The following ZNF141 variants were observed in gnomAD, a reference collection of about 807,000 sequenced individuals.
ZNF141 encodes zinc finger protein 141 (clone pHZ-44).
In ZNF141, 7 loss-of-function variants were observed where a neutral mutation model predicts 11.3. The ratio of observed to expected loss-of-function variants is 0.62; its 90% CI spans 0.35 to 1.16. The LOEUF is 1.16. Among genes scored for constraint, ZNF141 ranks in the 50% most tolerant of loss-of-function variants. The pLI is 0.02. For synonymous variants in ZNF141, 183 were observed against 190.7 expected (o/e 0.96, Z 0.33); for missense variants, 535 against 554.0 (o/e 0.97, Z 0.34).
chr4:354,323 G>C (rs1553850945), intron 3 of ZNF141, among the ~76,000 whole-genome samples: 1 of 152,154 alleles, frequency 6.6e-6, no homozygotes, highest in Non-Finnish European at 1.5e-5. Flanking sequence ...AGGTCACCCT[G>C]CAGGTGCCTA....
In ZNF141 at chr4:384,802, T is replaced by A. The variant is rs534634096; in HGVS notation, c.*10940T>A. 6 of 152,406 alleles carry A rather than the reference T, an allele frequency of 3.9e-5. 1 individual carries two copies. The South Asian group carries it at 1.2e-3, about 32-fold the overall frequency. The allele number at this position is 152,406 out of a possible 1,614,324, so 9.4% of individuals were successfully genotyped here. A position where few individuals can be genotyped will look rare whatever the true frequency, so the allele number is the denominator to read the frequency against. ...GAACTCAGCCCCATTTCTGGCAACCTGCTTTCATGTCCCCTTTCTGCTGAG... is the reference window on the plus strand; with the variant it reads ...GAACTCAGCCCCATTTCTGGCAACCAGCTTTCATGTCCCCTTTCTGCTGAG... On this transcript the variant is annotated 3_prime_UTR_variant, in exon 4 of 4. Coordinates refer to ENST00000240499, the MANE Select transcript of ZNF141 (RefSeq NM_003441.4).
chr4:362,481 A>G lies in ZNF141; in HGVS notation c.227-10183A>G, dbSNP rs1711541035. 2.6e-5 allele frequency among the ~76,000 whole-genome samples: 4 copies of G among 152,166 alleles called. 1 individual carries two copies. The South Asian group carries it at 8.3e-4, about 31-fold the overall frequency. ...GCCTGTGTCCTAAATGGTATTGCCT[A>G]GGTTTTCTTCTAGGGTTTTTATGGT... On this transcript the variant is annotated intron_variant, in intron 3 of 3. Coordinates refer to ENST00000240499, the MANE Select transcript of ZNF141 (RefSeq NM_003441.4).
At chr4:341,417 T>C (rs1252658968) in intron 1 of ZNF141, among the ~76,000 whole-genome samples, 1 of 152,200 alleles carries the variant, frequency 6.6e-6, no homozygotes, top group African/African-American at 2.4e-5. Context: ...AGAAGAGAAG[T>C]TGTTATTATT....
chr4:344,966 T>G (rs1721251168), intron 3 of ZNF141, among the ~76,000 whole-genome samples: 2 of 152,236 alleles, frequency 1.3e-5, no homozygotes, highest in African/African-American at 4.8e-5. Flanking sequence ...CCTTTAAGTT[T>G]ACAGGGAGAG....
At chr4:362,140 A>AT in intron 3 of ZNF141, among the ~76,000 whole-genome samples, 2 of 152,244 alleles carry the variant, frequency 1.3e-5, no homozygotes, top group Middle Eastern at 3.4e-3. Context: ...GATGATGAGC[A>AT]TTTTTTCATG....
intron 3 of ZNF141, among the ~76,000 whole-genome samples, chr4:362,561 C>T (rs1213464142): frequency 2.6e-5 from 4 of 152,022 alleles, no homozygotes; most frequent in South Asian, 2.1e-4. Context: ...TTGTATAAGG[C>T]GTAAGGAAGG....
Position 381,182 on chromosome 4 carries a change from C to G in ZNF141, c.*7320C>G, listed in dbSNP as rs909093050. Among the ~76,000 whole-genome samples, 15 of 151,996 alleles carry G rather than the reference C, an allele frequency of 9.9e-5. No individual in the cohort carries two copies. Among genetic ancestry groups the G allele is most frequent in the Admixed American group, 2.0e-4 (3 of 15,246 alleles). On this transcript the variant is annotated 3_prime_UTR_variant, in exon 4 of 4. Coordinates refer to ENST00000240499, the MANE Select transcript of ZNF141 (RefSeq NM_003441.4). ...TTTATTTCTTGAGTTAAATATTTGACTCTATTAGTTTAGTTTCCTTTGTGC... is the reference window on the plus strand; with the variant it reads ...TTTATTTCTTGAGTTAAATATTTGAGTCTATTAGTTTAGTTTCCTTTGTGC...
At chr4:365,509 TTTG>T (rs149037125) in intron 3 of ZNF141, among the ~76,000 whole-genome samples, 26,837 of 152,166 alleles carry the variant, frequency 0.18, 2,941 homozygotes, top group Non-Finnish European at 0.23. Flanking sequence ...GTGTGTTATT[TTTG>T]TTGTTAAGTT....
At chr4:370,226 G>T (rs548333611) in intron 3 of ZNF141, among the ~76,000 whole-genome samples, 3 of 151,824 alleles carry the variant, frequency 2.0e-5, no homozygotes, top group African/African-American at 7.3e-5. Context: ...TCATTTTTAT[G>T]CTTTTATCCT....
At position 372,575 on chromosome 4, in the gene ZNF141, A is replaced by C. The variant is rs530665879; in HGVS notation, c.227-89A>C. ...TGGGATTTTGTTATGCCATCTTACT[A>C]ATGTATTTTGAATAATTTCATAAGA... is the stretch of plus-strand genomic sequence containing the variant. On this transcript the variant is annotated intron_variant, in intron 3 of 3. Coordinates refer to ENST00000240499, the MANE Select transcript of ZNF141 (RefSeq NM_003441.4). 5.9e-6 allele frequency: 7 copies of C among 1,180,414 alleles called. No individual in the cohort carries two copies. The African/African-American group carries it at 1.1e-4, about 18-fold the overall frequency. The allele number at this position is 1,180,414 out of a possible 1,614,324, so 73.1% of individuals were successfully genotyped here. A position where few individuals can be genotyped will look rare whatever the true frequency, so the allele number is the denominator to read the frequency against.
rs933353551 is a variant in ZNF141 at position 376,020 on chromosome 4, T to C, written c.*2158T>C. Among the ~76,000 whole-genome samples the C allele has an allele frequency of 1.3e-5, 2 of 152,114 alleles. No individual in the cohort carries two copies. Among genetic ancestry groups the C allele is most frequent in the African/African-American group, 2.4e-5 (1 of 41,452 alleles). ...TAGTAGTAAATTGTTTTACCAATTATACATTTATGTAATAAGATACAGTAA... is the reference window on the plus strand; with the variant it reads ...TAGTAGTAAATTGTTTTACCAATTACACATTTATGTAATAAGATACAGTAA... On this transcript the variant is annotated 3_prime_UTR_variant, in exon 4 of 4. Coordinates refer to ENST00000240499, the MANE Select transcript of ZNF141 (RefSeq NM_003441.4).
At chr4:341,752 A>G (rs1356049360) in intron 1 of ZNF141, among the ~76,000 whole-genome samples, 1 of 152,210 alleles carries the variant, frequency 6.6e-6, no homozygotes, top group Non-Finnish European at 1.5e-5. Flanking sequence ...ACTGATTAAT[A>G]GAGGAGATCA....
rs1272002506 is a variant in ZNF141, at chr4:383,774, C to T, written c.*9912C>T. The T allele has an allele frequency of 2.6e-5, 4 of 152,404 alleles. No homozygotes were observed. In the East Asian group the frequency reaches 7.7e-4, roughly 29 times the overall value. 9.4% of individuals were successfully genotyped at this position (152,404 alleles called of 1,614,324 possible). A position where few individuals can be genotyped will look rare whatever the true frequency, so the allele number is the denominator to read the frequency against. ...CAAGCACAGGCCATGCCTTCATCTG[C>T]ATAGGGTACCAATTCGCCTCAACCT... On this transcript the variant is annotated 3_prime_UTR_variant, in exon 4 of 4. Coordinates refer to ENST00000240499, the MANE Select transcript of ZNF141 (RefSeq NM_003441.4).
chr4:340,254 C>T (rs968344510), intron 1 of ZNF141, among the ~76,000 whole-genome samples: 13 of 152,276 alleles, frequency 8.5e-5, no homozygotes, highest in Admixed American at 3.3e-4. Context: ...TCACAACCCA[C>T]AGTTGTGCAG....
intron 3 of ZNF141, among the ~76,000 whole-genome samples, chr4:348,882 C>G (rs541303939): frequency 1.3e-5 from 2 of 152,198 alleles, no homozygotes; most frequent in Non-Finnish European, 2.9e-5. Flanking sequence ...TGATAGGGAT[C>G]ACATTGAATC....
chr4:342,642 G>T (rs1400546324), intron 1 of ZNF141, among the ~76,000 whole-genome samples: 2 of 152,214 alleles, frequency 1.3e-5, no homozygotes, highest in East Asian at 3.8e-4. Flanking sequence ...TTAGCTAAGT[G>T]ACTCTCAGCC....
At chr4:346,696 T>G (rs1267588266) in intron 3 of ZNF141, among the ~76,000 whole-genome samples, 2 of 152,198 alleles carry the variant, frequency 1.3e-5, no homozygotes, top group African/African-American at 4.8e-5. Context: ...TTAGATTTCC[T>G]ATCTAACTGA....
At position 379,710 on chromosome 4, in the gene ZNF141, A is replaced by G. The variant is rs563257600; in HGVS notation, c.*5848A>G. ...ATATTACAAAAACAGCACAAAAACTATATATTTTTTATAATACTCAAGTTG... is the reference window on the plus strand; with the variant it reads ...ATATTACAAAAACAGCACAAAAACTGTATATTTTTTATAATACTCAAGTTG... On this transcript the variant is annotated 3_prime_UTR_variant, in exon 4 of 4. Transcript: ENST00000240499. Among the ~76,000 whole-genome samples the G allele has an allele frequency of 2.6e-5, 4 of 152,338 alleles. No homozygotes were observed. The highest frequency in any genetic ancestry group is 2.0e-4 in the Admixed American group (3 of 15,302).
chr4:349,625 TCTC>T (rs771949317), intron 3 of ZNF141, among the ~76,000 whole-genome samples: 47 of 152,170 alleles, frequency 3.1e-4, no homozygotes, highest in Non-Finnish European at 5.1e-4. Flanking sequence ...CAGGTAAAGA[TCTC>T]CTTTTGTTGA....
Sources: gnomAD v4.1 joint callset for allele counts (sites outside exome capture counted in the v4.1 genomes callset) on GRCh38, gnomAD v4.1.1 for gene constraint, MANE v1.5 for transcripts, NCBI Gene and HGNC (gene_info 2026-07-23, HGNC 2026-07-21) for gene names.